FAM151A: variants seen among roughly 807,000 people sequenced by gnomAD.
FAM151A encodes the protein protein FAM151A.
Under a neutral mutation model 40.4 loss-of-function variants are expected in FAM151A, and 41 were observed. The ratio of observed to expected loss-of-function variants is 1.01; its 90% CI spans 0.79 to 1.32. The LOEUF (loss-of-function observed/expected upper bound fraction) is 1.32, where lower values mean the gene tolerates loss of function less well. Ranked by LOEUF, FAM151A falls within the 40% of genes most tolerant of loss-of-function variation. FAM151A has a pLI of 0.00. For missense variants in FAM151A, 740 were observed against 740.4 expected, an observed-to-expected ratio of 1.00 and a Z score of 0.01; for synonymous variants, 337 against 312.5, an observed-to-expected ratio of 1.08 and a Z score of -0.83.
chr1:54,621,317 C>T (rs1263610722), intron 1 of FAM151A, among the ~76,000 whole-genome samples: 3 of 151,870 alleles, frequency 2.0e-5, no homozygotes, highest in Non-Finnish European at 4.4e-5. Flanking sequence ...ATTAGCTGGG[C>T]GTGGTGGTCC....
intron 2 of FAM151A, among the ~76,000 whole-genome samples, chr1:54,617,927 A>T (rs922498892): frequency 2.7e-5 from 4 of 150,700 alleles, no homozygotes; most frequent in African/African-American, 9.8e-5. Flanking sequence ...CGGTTTCACC[A>T]TATCAGTCAG....
In FAM151A at chr1:54,620,527, G is replaced by A. The variant is rs546065056; in HGVS notation, c.119-520C>T. 2.0e-4 allele frequency among the ~76,000 whole-genome samples: 31 copies of A among 151,812 alleles called. No homozygotes were observed. In the South Asian group the frequency reaches 5.0e-3, roughly 25 times the overall value. On this transcript the variant is annotated intron_variant, in intron 1 of 7. Coordinates refer to ENST00000302250, the MANE Select transcript of FAM151A (RefSeq NM_176782.3). Reference sequence around the variant, plus strand: ...TCGAGACCAGCCTGGCCAACATGGTGAAACCATGTCTCTACTACACATACA... The same window carrying A: ...TCGAGACCAGCCTGGCCAACATGGTAAAACCATGTCTCTACTACACATACA...
Position 54,609,215 on chromosome 1 carries a change from T to G in FAM151A, c.*53A>C. 1 of 1,590,024 alleles carries G rather than the reference T, an allele frequency of 6.3e-7. No homozygotes were observed. Among genetic ancestry groups the G allele is most frequent in the Non-Finnish European group, 8.6e-7 (1 of 1,166,686 alleles). On this transcript the variant is annotated 3_prime_UTR_variant, in exon 8 of 8. Transcript: ENST00000302250. Reference sequence around the variant, plus strand: ...CCAAAGACCTTTATTTCTTCCTGCCTCCCCGTGGGAAGCCTCCGCCCTGAG... The same window carrying G: ...CCAAAGACCTTTATTTCTTCCTGCCGCCCCGTGGGAAGCCTCCGCCCTGAG...
intron 4 of FAM151A, among the ~76,000 whole-genome samples, chr1:54,613,673 T>C (rs944937705): frequency 2.0e-5 from 3 of 152,332 alleles, no homozygotes; most frequent in East Asian, 1.9e-4. Context: ...CAAACTTTAA[T>C]AGGCAAATTA....
At position 54,609,526 on chromosome 1, in the gene FAM151A, C is replaced by T. The variant is rs899076786; in HGVS notation, c.1500G>A (p.Leu500=). The change falls in exon 8 of 8, where the codon TTG becomes TTA. Residue 500 remains leucine (L), a synonymous_variant. Coordinates refer to ENST00000302250, the MANE Select transcript of FAM151A (RefSeq NM_176782.3). ...REQLLTDMLE[L]CQGLWQPVSF... is the part of the protein sequence containing the mutation. Reference sequence around the variant, plus strand: ...ACACAGGTTGCCAGAGCCCCTGGCACAACTCTAGCATATCTGTGAGCAGCT... The same window carrying T: ...ACACAGGTTGCCAGAGCCCCTGGCATAACTCTAGCATATCTGTGAGCAGCT... The T allele has an allele frequency of 6.2e-7, 1 of 1,613,034 alleles. No individual in the cohort carries two copies. Among genetic ancestry groups the T allele is most frequent in the African/African-American group, 1.3e-5 (1 of 75,072 alleles).
At position 54,623,493 on chromosome 1, in the gene FAM151A, G is replaced by A; in HGVS notation, c.-98C>T. On this transcript the variant is annotated 5_prime_UTR_variant, in exon 1 of 8. Coordinates refer to ENST00000302250, the MANE Select transcript of FAM151A (RefSeq NM_176782.3). ...CTGTGGGAGGCAGGAGCTCCCAGCA[G>A]CACCTAATTCTCCACCGGGCCTGGT... 2 of 862,434 alleles carry A rather than the reference G, an allele frequency of 2.3e-6. No individual in the cohort carries two copies. Among genetic ancestry groups the A allele is most frequent in the Non-Finnish European group, 3.8e-6 (2 of 519,764 alleles). 53.4% of individuals were successfully genotyped at this position (862,434 alleles called of 1,614,324 possible).
chr1:54,612,106 A>AG (rs1644124796), intron 5 of FAM151A, among the ~76,000 whole-genome samples: 1 of 68,008 alleles, frequency 1.5e-5, no homozygotes, highest in Non-Finnish European at 2.9e-5. Flanking sequence ...TATGGAAGGT[A>AG]GGGGGTATAG....
chr1:54,609,793 G>A lies in FAM151A; in HGVS notation c.1233C>T (p.Ile411=), dbSNP rs1323594073. 10 of 1,614,070 alleles carry A rather than the reference G, an allele frequency of 6.2e-6. No homozygotes were observed. In the African/African-American group the frequency reaches 1.2e-4, roughly 19 times the overall value. ...QLATHPGHWG[I]HLQIAEPAAL... ...CTGCGGGCTCCGCTATTTGCAAATG[G>A]ATGCCCCAGTGTCCGGGATGTGTGG... The change falls in exon 8 of 8, where the codon ATC becomes ATT. Residue 411 remains isoleucine (I), a synonymous_variant. Coordinates refer to ENST00000302250, the MANE Select transcript of FAM151A (RefSeq NM_176782.3).
In FAM151A at chr1:54,612,723, C is replaced by A; in HGVS notation, c.576-13G>T. ...CAGGGCCAGGAACCTGCAAAAAAAT[C>A]AGAGATGTTGGTCTCACGGAGCTGC... On this transcript the variant is annotated splice_polypyrimidine_tract_variant and intron_variant, in intron 4 of 7. Transcript: ENST00000302250. 1 of 1,608,006 alleles carries A rather than the reference C, an allele frequency of 6.2e-7. No individual in the cohort carries two copies. Among genetic ancestry groups the A allele is most frequent in the South Asian group, 1.1e-5 (1 of 90,896 alleles).
At chr1:54,619,603 G>A (rs561090516) in intron 2 of FAM151A, among the ~76,000 whole-genome samples, 10 of 152,308 alleles carry the variant, frequency 6.6e-5, no homozygotes, top group African/African-American at 1.9e-4. Context: ...CTGACAGGTC[G>A]AGGAAGGGGT....
At chr1:54,623,223 T>A in intron 1 of FAM151A, 55 bp downstream of exon 1, 1 of 1,155,792 alleles carries the variant, frequency 8.7e-7, no homozygotes. Context: ...GAAGTGGGGA[T>A]AAGGAGCGAG....
chr1:54,617,709 ATTTTTTTTTTTTTTTTTTTTT>A (rs56229276), intron 2 of FAM151A, among the ~76,000 whole-genome samples: 2 of 55,742 alleles, frequency 3.6e-5, no homozygotes, highest in Admixed American at 3.2e-4. Flanking sequence ...AGGGCCTGAG[ATTTTTTTTTTTTTTTTTTTTT>A]TTTTTTTTTT....
At position 54,616,084 on chromosome 1, in the gene FAM151A, G is replaced by T. The variant is rs753726688; in HGVS notation, c.351C>A (p.Pro117=). 1.2e-5 allele frequency: 19 copies of T among 1,613,362 alleles called. No homozygotes were observed. Among genetic ancestry groups the T allele is most frequent in the East Asian group, 8.9e-5 (4 of 44,862 alleles). ...ETGVPIMAHP[P]TIYSDNTLEQ... ...CCAGTGTGTTGTCACTGTAGATAGT[G>T]GGGGGGTGTGCCATGATGGGAACTC... is the stretch of plus-strand genomic sequence containing the variant. The change falls in exon 3 of 8, where the codon CCC becomes CCA. Residue 117 remains proline (P), a synonymous_variant. Transcript: ENST00000302250.
chr1:54,621,511 C>T (rs1644229607), intron 1 of FAM151A: 1 of 151,978 alleles, frequency 6.6e-6, no homozygotes, highest in Non-Finnish European at 1.5e-5. Context: ...ATTGGAAGAA[C>T]GTTGGGATCA....
intron 5 of FAM151A, 94 bp from the exon 6 acceptor site, chr1:54,611,839 G>A: frequency 6.7e-7 from 1 of 1,488,716 alleles, no homozygotes; most frequent in South Asian, 1.2e-5. Context: ...GCTGGGCGCA[G>A]GGTAGAGCAT....
At position 54,619,855 on chromosome 1, in the gene FAM151A, T is replaced by A; in HGVS notation, c.262+9A>T. On this transcript the variant is annotated intron_variant, in intron 2 of 7. Coordinates refer to ENST00000302250, the MANE Select transcript of FAM151A (RefSeq NM_176782.3). ...CCTGGCCTGCCTCAGTCTTGGCAGC[T>A]GGACTTACTGTTCAGGGCAGCTGTC... 1 of 1,613,642 alleles carries A rather than the reference T, an allele frequency of 6.2e-7. No individual in the cohort carries two copies. The highest frequency in any genetic ancestry group is 8.5e-7 in the Non-Finnish European group (1 of 1,179,940).
chr1:54,622,269 C>A (rs148688530), intron 1 of FAM151A, among the ~76,000 whole-genome samples: 1,527 of 95,852 alleles, frequency 0.016, 10 homozygotes, highest in Admixed American at 0.048. Context: ...GAGTGAGACT[C>A]TGTCTCAAAA....
intron 2 of FAM151A, among the ~76,000 whole-genome samples, chr1:54,618,054 C>T (rs1208300429): frequency 6.6e-6 from 1 of 151,618 alleles, no homozygotes; most frequent in Non-Finnish European, 1.5e-5. Flanking sequence ...AACACACTCC[C>T]CAGGGATGCG....
chr1:54,618,660 C>T (rs1472677863), intron 2 of FAM151A, among the ~76,000 whole-genome samples: 1 of 152,100 alleles, frequency 6.6e-6, no homozygotes. Flanking sequence ...CAGCTGTAGC[C>T]CTGGTCCTCA....
Sources: allele counts gnomAD v4.1 joint callset (sites outside exome capture counted in the v4.1 genomes callset), GRCh38; gene constraint gnomAD v4.1.1; transcripts MANE v1.5; gene names NCBI Gene and HGNC (gene_info 2026-07-23, HGNC 2026-07-21).